UNC79: variants seen among roughly 807,000 people sequenced by gnomAD.
UNC79 encodes protein unc-79 homolog.
UNC79 carries 37 observed loss-of-function variants against 283.1 expected under a neutral mutation model. The ratio of observed to expected loss-of-function variants is 0.13; its 90% CI spans 0.10 to 0.17. The LOEUF (loss-of-function observed/expected upper bound fraction) is 0.17. UNC79 is among the 10% of genes least tolerant of loss of function. The pLI is 1.00. For missense variants in UNC79, 2,272 were observed against 3,211.1 expected, an observed-to-expected ratio of 0.71 and a Z score of 7.07; for synonymous variants, 1,107 against 1,200.2, an observed-to-expected ratio of 0.92 and a Z score of 1.61.
chr14:93,572,669 T>C (rs1448274002), intron 15 of UNC79, 24 bp from the exon 16 acceptor site: 1 of 1,613,574 alleles, frequency 6.2e-7, no homozygotes, highest in Non-Finnish European at 8.5e-7. Context: ...ATTGGTCATT[T>C]ACTTTTGTTG....
intron 1 of UNC79, among the ~76,000 whole-genome samples, chr14:93,380,031 T>G (rs2054635376): frequency 6.6e-6 from 1 of 152,124 alleles, no homozygotes; most frequent in South Asian, 2.1e-4. Flanking sequence ...GGAAAATTAC[T>G]TCACTTCTCT....
chr14:93,682,368 T>C (rs1408256599), intron 41 of UNC79, among the ~76,000 whole-genome samples: 1 of 152,198 alleles, frequency 6.6e-6, no homozygotes, highest in Non-Finnish European at 1.5e-5. Flanking sequence ...TATTTTTTCT[T>C]TGATTGAATG....
At chr14:93,627,479 G>A (rs2140022923) in intron 30 of UNC79, among the ~76,000 whole-genome samples, 1 of 152,312 alleles carries the variant, frequency 6.6e-6, no homozygotes, top group African/African-American at 2.4e-5. Flanking sequence ...CCAAGGCTGG[G>A]TGGCTAGGCT....
At chr14:93,466,382 T>C (rs1008710314) in intron 1 of UNC79, among the ~76,000 whole-genome samples, 21 of 152,378 alleles carry the variant, frequency 1.4e-4, no homozygotes, top group African/African-American at 5.0e-4. Context: ...GTGGACATAA[T>C]TTCAGAGTCA....
chr14:93,557,178 T>C (rs1453232684), intron 14 of UNC79, among the ~76,000 whole-genome samples: 1 of 152,228 alleles, frequency 6.6e-6, no homozygotes, highest in Non-Finnish European at 1.5e-5. Context: ...TTATATTCTA[T>C]TGATTTAAAG....
chr14:93,447,571 T>C (rs1238755161), intron 1 of UNC79, among the ~76,000 whole-genome samples: 2 of 152,030 alleles, frequency 1.3e-5, no homozygotes, highest in East Asian at 3.8e-4. Context: ...CCATTTCTGG[T>C]GCTCTTTGTT....
chr14:93,683,320 C>T (rs1267954081), intron 42 of UNC79, among the ~76,000 whole-genome samples: 1 of 152,100 alleles, frequency 6.6e-6, no homozygotes, highest in Non-Finnish European at 1.5e-5. Flanking sequence ...ATGTGCAGTC[C>T]GCTGCAATCA....
rs1595503919 is a variant in UNC79 at position 93,452,475 on chromosome 14, G to A, written c.23-15196G>A. On this transcript the variant is annotated intron_variant, in intron 1 of 48. Transcript: ENST00000555664. ...GCGATCTCGGCTCACAGCAACCTCC[G>A]CCTCCCAGGTTCAAGCGATTCTCCT... 3.4e-5 allele frequency among the ~76,000 whole-genome samples: 5 copies of A among 145,250 alleles called. No individual in the cohort carries two copies. The Middle Eastern group carries it at 0.011, about 307-fold the overall frequency.
intron 18 of UNC79, among the ~76,000 whole-genome samples, chr14:93,579,781 C>T (rs773645257): frequency 4.6e-5 from 7 of 152,180 alleles, no homozygotes; most frequent in Non-Finnish European, 1.0e-4. Flanking sequence ...TTCCTTTTAG[C>T]AGCTCATGGT....
intron 48 of UNC79, 102 bp downstream of exon 51, chr14:93,704,768 T>C (rs2075758836): frequency 2.1e-6 from 3 of 1,425,746 alleles, no homozygotes; most frequent in Non-Finnish European, 2.0e-6. Context: ...GAAGGATGAA[T>C]TCAACCTGCT....
chr14:93,637,458 T>C (rs1436087863), intron 32 of UNC79, 159 bp downstream of exon 35: 1 of 1,297,640 alleles, frequency 7.7e-7, no homozygotes, highest in African/African-American at 1.5e-5. Context: ...GCGTGACATC[T>C]CATCTTTGAA....
chr14:93,410,341 G>A (rs915966142), intron 1 of UNC79, among the ~76,000 whole-genome samples: 1 of 152,218 alleles, frequency 6.6e-6, no homozygotes, highest in African/African-American at 2.4e-5. Context: ...GCCACCTAGG[G>A]ATGGAGTGCT....
At chr14:93,359,562 A>G (rs1485215329) in intron 1 of UNC79, among the ~76,000 whole-genome samples, 1 of 152,248 alleles carries the variant, frequency 6.6e-6, no homozygotes, top group Non-Finnish European at 1.5e-5. Context: ...CATAATGGAC[A>G]GCAGAGGCAA....
intron 22 of UNC79, among the ~76,000 whole-genome samples, chr14:93,590,532 T>A (rs2064586212): frequency 6.6e-6 from 1 of 152,158 alleles, no homozygotes; most frequent in East Asian, 1.9e-4. Context: ...GCATTATTTT[T>A]TATTGTGAAA....
intron 30 of UNC79, among the ~76,000 whole-genome samples, chr14:93,623,143 TC>T (rs1344810360): frequency 6.6e-6 from 1 of 152,226 alleles, no homozygotes; most frequent in African/African-American, 2.4e-5. Context: ...CCAGGTATCA[TC>T]TCAGCCTTCC....
intron 20 of UNC79, among the ~76,000 whole-genome samples, 174 bp from the exon 21 acceptor site, chr14:93,586,422 T>G (rs560835475): frequency 2.6e-5 from 4 of 152,356 alleles, no homozygotes; most frequent in South Asian, 2.1e-4. Flanking sequence ...TTTCCTGCAC[T>G]TGTATCATAG....
chr14:93,594,569 C>A lies in UNC79; in HGVS notation c.3190+732C>A, dbSNP rs577287683. On this transcript the variant is annotated intron_variant, in intron 23 of 48. Transcript: ENST00000555664. ...ACAGGCATGAGCCACTGTGCTGGGG[C>A]AGAAACTGAGATTTTTAATAAGAGG... Among the ~76,000 whole-genome samples the A allele has an allele frequency of 1.2e-4, 19 of 152,306 alleles. No homozygotes were observed. The East Asian group carries it at 3.1e-3, about 25-fold the overall frequency.
At chr14:93,605,431 A>G (rs2065812165) in intron 26 of UNC79, among the ~76,000 whole-genome samples, 2 of 152,150 alleles carry the variant, frequency 1.3e-5, no homozygotes, top group Admixed American at 1.3e-4. Context: ...TTTCTCAGAG[A>G]AAGGAGAATT....
chr14:93,553,315 G>C (rs954498383), intron 14 of UNC79, among the ~76,000 whole-genome samples: 1 of 152,122 alleles, frequency 6.6e-6, no homozygotes, highest in African/African-American at 2.4e-5. Context: ...GGAAGAAAAG[G>C]TCATAAACAG....
Sources: allele counts gnomAD v4.1 joint callset (sites outside exome capture counted in the v4.1 genomes callset), GRCh38; gene constraint gnomAD v4.1.1; transcripts MANE v1.5; gene names NCBI Gene and HGNC (gene_info 2026-07-23, HGNC 2026-07-21).